The following ENTPD6 variants were observed in gnomAD, a reference collection of about 807,000 sequenced individuals.
The protein encoded by ENTPD6 is ectonucleoside triphosphate diphosphohydrolase 6, also known as CD39 antigen-like 2.
In ENTPD6, 46 loss-of-function variants were observed where a neutral mutation model predicts 61.5. The ratio of observed to expected loss-of-function variants is 0.75; its 90% confidence interval spans 0.59 to 0.96. ENTPD6 has a LOEUF of 0.96. Ranked by LOEUF, ENTPD6 falls within the 40% of genes least tolerant of loss-of-function variation. The pLI, the probability that ENTPD6 is intolerant of heterozygous loss-of-function variation, is 0.00. For synonymous variants in ENTPD6, 252 were observed against 255.5 expected (o/e 0.99, Z 0.13); for missense variants, 612 against 629.0 (o/e 0.97, Z 0.29).
rs974456678 is a variant in ENTPD6 at position 25,195,765 on chromosome 20, G to A, written c.-118G>A. 1.1e-5 allele frequency: 11 copies of A among 1,013,256 alleles called. No homozygotes were observed. In the African/African-American group the frequency reaches 1.8e-4, roughly 17 times the overall value. The allele number at this position is 1,013,256 out of a possible 1,614,324, so 62.8% of individuals were successfully genotyped here. On this transcript the variant is annotated 5_prime_UTR_variant, in exon 1 of 15. Coordinates refer to ENST00000376652, the MANE Select transcript of ENTPD6 (RefSeq NM_001247.5). Reference sequence around the variant, plus strand: ...GGTCGTATCCCGCGGGTGGAGGCCGGGGTGGCGCCGGCCGGGGCGGGGGAG... The same window carrying A: ...GGTCGTATCCCGCGGGTGGAGGCCGAGGTGGCGCCGGCCGGGGCGGGGGAG...
rs755744574 is a variant in ENTPD6, at chr20:25,225,262, C to T, written c.1301C>T (p.Thr434Ile). Residue 434 changes from threonine (T) to isoleucine (I), a missense_variant, in exon 14 of 15, where the codon ACC (threonine) becomes ATC (isoleucine). By Grantham distance (89) the Thr-to-Ile change is moderately conservative. Transcript: ENST00000376652. ...AGCCCCTTCTCATGCATGGACCTCA[C>T]CTACGTCAGCCTGCTACTCCAGGAG... ...QSSPFSCMDL[T>I]YVSLLLQEFG... 6.2e-7 allele frequency: 1 copy of T among 1,613,586 alleles called. No homozygotes were observed. The highest frequency in any genetic ancestry group is 8.5e-7 in the Non-Finnish European group (1 of 1,179,944).
chr20:25,209,327 G>T (rs2088064625), intron 3 of ENTPD6, among the ~76,000 whole-genome samples: 1 of 151,604 alleles, frequency 6.6e-6, no homozygotes, highest in African/African-American at 2.4e-5. Context: ...CGCCAGGATG[G>T]TCTCGAACTC....
chr20:25,207,841 C>A (rs2122756631), intron 3 of ENTPD6, among the ~76,000 whole-genome samples: 1 of 152,354 alleles, frequency 6.6e-6, no homozygotes, highest in African/African-American at 2.4e-5. Context: ...TGGCCAGGGG[C>A]AACAGCCGAG....
intron 5 of ENTPD6, among the ~76,000 whole-genome samples, chr20:25,214,083 G>A (rs927646190): frequency 1.3e-5 from 2 of 152,066 alleles, no homozygotes; most frequent in Non-Finnish European, 2.9e-5. Context: ...CTCCTGGTCC[G>A]ATGCTCAGAC....
chr20:25,218,630 G>A lies in ENTPD6; in HGVS notation c.943+16G>A, dbSNP rs767356827. The A allele has an allele frequency of 6.3e-7, 1 of 1,589,032 alleles. No homozygotes were observed. Among genetic ancestry groups the A allele is most frequent in the Non-Finnish European group, 8.5e-7 (1 of 1,170,492 alleles). On this transcript the variant is annotated intron_variant, in intron 10 of 14. Coordinates refer to ENST00000376652, the MANE Select transcript of ENTPD6 (RefSeq NM_001247.5). ...GGGCAGCCTGGTGAGTGGACATGTT[G>A]CCCCGGGCCCACTTTCACAGCCTCT...
intron 1 of ENTPD6, among the ~76,000 whole-genome samples, chr20:25,204,811 G>A (rs1044862046): frequency 6.6e-6 from 1 of 152,144 alleles, no homozygotes; most frequent in African/African-American, 2.4e-5. Flanking sequence ...GAGGCCTGGG[G>A]CAGGGGTGAG....
chr20:25,210,066 G>A, intron 4 of ENTPD6, 141 bp downstream of exon 4: 1 of 798,238 alleles, frequency 1.3e-6, no homozygotes, highest in Non-Finnish European at 2.1e-6. Context: ...CATTTGGGAT[G>A]GTCAGAAGAG....
In ENTPD6 at chr20:25,207,255, C is replaced by T; in HGVS notation, c.234C>T (p.Ala78=). 2 of 1,613,944 alleles carry T rather than the reference C, an allele frequency of 1.2e-6. No individual in the cohort carries two copies. The highest frequency in any genetic ancestry group is 1.1e-5 in the South Asian group (1 of 91,074). Residue 78 remains alanine, a synonymous_variant, in exon 3 of 15, where the codon GCC becomes GCT. Transcript: ENST00000376652. ...CCTTCTTCAGCATCACCAGGGCAGC[C>T]CCGGGGGCCCGGTGGGGTCAGCAGG... ...TQAFFSITRA[A]PGARWGQQAH... is the part of the protein sequence containing the mutation.
chr20:25,220,235 C>G (rs554143416), intron 10 of ENTPD6, among the ~76,000 whole-genome samples: 1 of 152,240 alleles, frequency 6.6e-6, no homozygotes, highest in African/African-American at 2.4e-5. Flanking sequence ...TGGAATCTCA[C>G]AGCAGACCAC....
rs147939943 is a variant in ENTPD6 at position 25,201,866 on chromosome 20, C to T, written c.-15-4656C>T. Among the ~76,000 whole-genome samples, 6 of 152,260 alleles carry T rather than the reference C, an allele frequency of 3.9e-5. No individual in the cohort carries two copies. The East Asian group carries it at 1.2e-3, about 29-fold the overall frequency. On this transcript the variant is annotated intron_variant, in intron 1 of 14. Coordinates refer to ENST00000376652, the MANE Select transcript of ENTPD6 (RefSeq NM_001247.5). ...CAAGGAGCTTGGGACTACAGGCGCA[C>T]ACCACCATGTCCAGCTAATTTTTTT...
At chr20:25,212,845 A>G (rs1479435958) in intron 4 of ENTPD6, among the ~76,000 whole-genome samples, 3 of 152,116 alleles carry the variant, frequency 2.0e-5, no homozygotes, top group Admixed American at 6.5e-5. Context: ...AGCTGGGACT[A>G]TAGGCTCCCA....
rs767272163 is a variant in ENTPD6, at chr20:25,216,656, A to G, written c.718A>G (p.Lys240Glu). Residue 240 changes from lysine (K) to glutamate (E), a missense_variant, in exon 8 of 15, where the codon AAA becomes GAA. Physicochemically the swap from Lys to Glu is moderately conservative, Grantham distance 56. Transcript: ENST00000376652. The part of the protein sequence containing the change: ...ITINFLTGSL[K>E]TPGGSSVGML... The stretch of plus-strand genomic sequence containing the variant: ...TGCTTGCTGTGCTCCAGGCAGCTTG[A>G]AAACTCCAGGAGGGAGCAGCGTGGG... 1.2e-5 allele frequency: 19 copies of G among 1,604,754 alleles called. No individual in the cohort carries two copies. The highest frequency in any genetic ancestry group is 1.7e-4 in the Middle Eastern group (1 of 6,050).
At chr20:25,217,118 C>T (rs1317761047) in intron 8 of ENTPD6, among the ~76,000 whole-genome samples, 2 of 152,184 alleles carry the variant, frequency 1.3e-5, no homozygotes, top group African/African-American at 2.4e-5. Flanking sequence ...CCAGCCTTTT[C>T]AAGATAAATA....
intron 9 of ENTPD6, among the ~76,000 whole-genome samples, chr20:25,217,860 T>G (rs1375034406): frequency 7.1e-6 from 1 of 141,012 alleles, no homozygotes; most frequent in Non-Finnish European, 1.5e-5. Context: ...TTATCTATAG[T>G]ATACGCACAT....
rs146834491 is a variant in ENTPD6, at chr20:25,216,283, T to C, written c.710-365T>C. ...CATTTGCCACTTTGGGGGATAGAAA[T>C]GTTAGGAGATGGGTTGGGAGCCTCC... On this transcript the variant is annotated intron_variant, in intron 7 of 14. Coordinates refer to ENST00000376652, the MANE Select transcript of ENTPD6 (RefSeq NM_001247.5). Among the ~76,000 whole-genome samples, 61 of 152,192 alleles carry C rather than the reference T, an allele frequency of 4.0e-4. No individual in the cohort carries two copies. In the East Asian group the frequency reaches 0.01, roughly 26 times the overall value.
rs570816292 is a variant in ENTPD6 at position 25,227,132 on chromosome 20, C to A, written c.*1535C>A. Among the ~76,000 whole-genome samples, 6 of 152,184 alleles carry A rather than the reference C, an allele frequency of 3.9e-5. No individual in the cohort carries two copies. The highest frequency in any genetic ancestry group is 1.2e-4 in the African/African-American group (5 of 41,442). ...CATCCCGAGTGCTTGTGCCTGAAGC[C>A]CCCCCCAACCAACTGTCACAGGAGG... On this transcript the variant is annotated 3_prime_UTR_variant, in exon 15 of 15. Coordinates refer to ENST00000376652, the MANE Select transcript of ENTPD6 (RefSeq NM_001247.5).
At chr20:25,207,047 T>C in intron 2 of ENTPD6, 29 bp from the exon 3 acceptor site, 7 of 1,573,436 alleles carry the variant, frequency 4.4e-6, no homozygotes, top group Non-Finnish European at 6.1e-6. Flanking sequence ...CCTAACGTGC[T>C]TTTCCTGCCT....
At chr20:25,197,030 A>T (rs774475155) in intron 1 of ENTPD6, 15 of 964,574 alleles carry the variant, frequency 1.6e-5, no homozygotes, top group Non-Finnish European at 1.7e-5. Context: ...GGTTTTTGCC[A>T]AGGAGAGAAA....
chr20:25,214,701 C>T (rs1169963877), intron 5 of ENTPD6, 166 bp from the exon 6 acceptor site: 1 of 604,748 alleles, frequency 1.7e-6, no homozygotes, highest in Non-Finnish European at 3.0e-6. Flanking sequence ...TGAAGAAAGC[C>T]GGTCTGAGTG....
Sources: gnomAD v4.1 joint callset for allele counts (sites outside exome capture counted in the v4.1 genomes callset) on GRCh38, gnomAD v4.1.1 for gene constraint, MANE v1.5 for transcripts, NCBI Gene and HGNC (gene_info 2026-07-23, HGNC 2026-07-21) for gene names.